Variants in RASGRF1 observed in about 807,000 individuals in gnomAD.
The protein encoded by RASGRF1 is Ras protein specific guanine nucleotide releasing factor 1, also known as ras-specific guanine nucleotide-releasing factor 1.
Under a neutral mutation model 138.7 loss-of-function variants are expected in RASGRF1, and 40 were observed. That is an observed-to-expected ratio of 0.29 (90% CI 0.22 to 0.38). RASGRF1 has a LOEUF of 0.38. Among genes scored for constraint, RASGRF1 ranks in the 10% least tolerant of loss-of-function variants. The pLI, the probability that RASGRF1 is intolerant of heterozygous loss-of-function variation, is 1.00. For synonymous variants in RASGRF1, 614 were observed against 663.2 expected (o/e 0.93, Z 1.14); for missense variants, 1,108 against 1,650.4 (o/e 0.67, Z 5.69).
At chr15:79,036,405 T>C (rs1268770939) in intron 5 of RASGRF1, among the ~76,000 whole-genome samples, 2 of 152,336 alleles carry the variant, frequency 1.3e-5, no homozygotes, top group East Asian at 3.9e-4. Flanking sequence ...CATTCTCCAC[T>C]GTGTGCTCTG....
rs1373205 is a variant in RASGRF1 at position 79,073,510 on chromosome 15, G to A, written c.277-8984C>T. On this transcript the variant is annotated intron_variant, in intron 1 of 26. Transcript: ENST00000558480. This position sits in a 1 kb window ranked among gnomAD's most constrained non-coding sequence, Gnocchi z 4.2. ...CTGGAGTCGGGGTTGTGAGAGACGAGAAGGGCAGGTGAGGAGGAGGTGTGA... is the reference window on the plus strand; with the variant it reads ...CTGGAGTCGGGGTTGTGAGAGACGAAAAGGGCAGGTGAGGAGGAGGTGTGA... Among the ~76,000 whole-genome samples, 36 of 152,298 alleles carry A rather than the reference G, an allele frequency of 2.4e-4. No homozygotes were observed. In the East Asian group the frequency reaches 6.9e-3, roughly 29 times the overall value.
At chr15:79,034,545 G>C (rs535625178) in intron 6 of RASGRF1, among the ~76,000 whole-genome samples, 46 of 152,214 alleles carry the variant, frequency 3.0e-4, no homozygotes, top group Admixed American at 1.7e-3. Context: ...TAAAAAATTG[G>C]AACAACTCTA....
At chr15:78,972,748 C>T (rs1025032487) in intron 25 of RASGRF1, among the ~76,000 whole-genome samples, 10 of 152,130 alleles carry the variant, frequency 6.6e-5, no homozygotes, top group Non-Finnish European at 1.3e-4. Flanking sequence ...GAGAAGGAGA[C>T]GGTTAGAATC....
At chr15:79,079,250 C>T (rs1232979827) in intron 1 of RASGRF1, among the ~76,000 whole-genome samples, 1 of 152,192 alleles carries the variant, frequency 6.6e-6, no homozygotes, top group Non-Finnish European at 1.5e-5. Flanking sequence ...CCTCAGCCAG[C>T]CTGCCCTCCC....
intron 5 of RASGRF1, among the ~76,000 whole-genome samples, chr15:79,035,910 G>C (rs1462527514): frequency 6.6e-6 from 1 of 152,226 alleles, no homozygotes; most frequent in Non-Finnish European, 1.5e-5. Flanking sequence ...AAAAGACCCA[G>C]AGTCCCGCTG....
chr15:79,010,254 C>A (rs1244052893), intron 13 of RASGRF1, among the ~76,000 whole-genome samples: 1 of 152,022 alleles, frequency 6.6e-6, no homozygotes, highest in Non-Finnish European at 1.5e-5. Context: ...GCCAGGCTGG[C>A]CTCGACCTCC....
chr15:78,990,046 G>T, intron 22 of RASGRF1, 143 bp downstream of exon 22: 1 of 723,748 alleles, frequency 1.4e-6, no homozygotes, highest in South Asian at 1.5e-5. Context: ...ACCAGCCCGA[G>T]GCCACATGGC....
chr15:79,033,581 C>T (rs137859963), intron 6 of RASGRF1, among the ~76,000 whole-genome samples: 25 of 93,958 alleles, frequency 2.7e-4, no homozygotes, highest in Non-Finnish European at 3.2e-4. Context: ...TTTTTCTTTT[C>T]TTTTTTTTTT....
At chr15:78,975,403 A>AG (rs1290833558) in intron 24 of RASGRF1, among the ~76,000 whole-genome samples, 5 of 128,414 alleles carry the variant, frequency 3.9e-5, no homozygotes, top group Non-Finnish European at 8.1e-5. Flanking sequence ...TTAAAAAAAA[A>AG]AAGAAAAGAG....
chr15:79,048,523 G>A (rs1347451377), intron 4 of RASGRF1, among the ~76,000 whole-genome samples: 1 of 152,228 alleles, frequency 6.6e-6, no homozygotes, highest in Non-Finnish European at 1.5e-5. Flanking sequence ...GAGGATTTTA[G>A]TGAGGATAGA....
intron 5 of RASGRF1, among the ~76,000 whole-genome samples, chr15:79,039,240 T>C (rs1438003773): frequency 7.5e-6 from 1 of 132,844 alleles, no homozygotes; most frequent in East Asian, 2.2e-4. Flanking sequence ...AGGCTGGCAG[T>C]GAGCCAAGAT....
intron 24 of RASGRF1, chr15:78,978,327 C>T (rs530790721): frequency 4.9e-4 from 89 of 181,222 alleles, no homozygotes; most frequent in Middle Eastern, 2.7e-3. Flanking sequence ...TGGGCTCAAG[C>T]GATTCTCGTG....
At chr15:79,049,373 G>T in intron 4 of RASGRF1, 123 bp downstream of exon 4, 1 of 851,906 alleles carries the variant, frequency 1.2e-6, no homozygotes. Flanking sequence ...CTTTGGAGCT[G>T]AGGTTGGGGG....
rs2055537569 is a variant in RASGRF1 at position 78,961,083 on chromosome 15, G to A, written c.*1061C>T. 1 of 152,232 alleles carries A rather than the reference G, an allele frequency of 6.6e-6. No homozygotes were observed. Among genetic ancestry groups the A allele is most frequent in the South Asian group, 2.1e-4 (1 of 4,828 alleles). 9.4% of individuals were successfully genotyped at this position (152,232 alleles called of 1,614,324 possible). A position where few individuals can be genotyped will look rare whatever the true frequency, so the allele number is the denominator to read the frequency against. ...AAAGTTGTCTGTCTGTTGTAGTGGA[G>A]CATGCCTGCCACTTCGGAGTTAACC... On this transcript the variant is annotated 3_prime_UTR_variant, in exon 27 of 27. Coordinates refer to ENST00000558480, the MANE Select transcript of RASGRF1 (RefSeq NM_001145648.3).
At position 79,006,113 on chromosome 15, in the gene RASGRF1, C is replaced by T. The variant is rs569999620; in HGVS notation, c.2075+73G>A. 8.8e-6 allele frequency: 14 copies of T among 1,595,158 alleles called. No individual in the cohort carries two copies. The highest frequency in any genetic ancestry group is 4.5e-5 in the South Asian group (4 of 88,244). On this transcript the variant is annotated intron_variant, in intron 14 of 26. Coordinates refer to ENST00000558480, the MANE Select transcript of RASGRF1 (RefSeq NM_001145648.3). This position sits in a 1 kb window ranked among gnomAD's most constrained non-coding sequence, Gnocchi z 4.0. ...GGGACCTTCCAGGTCACCCCCCGGC[C>T]CCGTGCAAGCTCAGTTTTCCTCCAA...
At chr15:79,049,899 T>C (rs1228973641) in intron 3 of RASGRF1, among the ~76,000 whole-genome samples, 1 of 152,218 alleles carries the variant, frequency 6.6e-6, no homozygotes, top group African/African-American at 2.4e-5. Flanking sequence ...ACCTCATTTG[T>C]AATCTCAGAA....
Position 79,001,725 on chromosome 15 carries a change from T to G in RASGRF1, c.2512A>C (p.Thr838Pro). 1 of 1,608,628 alleles carries G rather than the reference T, an allele frequency of 6.2e-7. No individual in the cohort carries two copies. The highest frequency in any genetic ancestry group is 8.5e-7 in the Non-Finnish European group (1 of 1,175,028). Residue 838 changes from threonine (T) to proline (P), a missense_variant, in exon 16 of 27, where the codon ACT becomes CCT. This residue lies in a region of RASGRF1 where 686 missense variants were observed against 976.7 expected (regional missense o/e 0.70). Transcript: ENST00000558480. ...GGAGATTTAGTTGGTGATGTTTCAGTATCACCATCATCACTCTGGTTTTGA... is the reference window on the plus strand; with the variant it reads ...GGAGATTTAGTTGGTGATGTTTCAGGATCACCATCATCACTCTGGTTTTGA... ...IDQNQSDDGD[T>P]ETSPTKSPTT...
rs373069639 is a variant in RASGRF1 at position 79,079,873 on chromosome 15, A to G, written c.276+10350T>C. 3.9e-5 allele frequency among the ~76,000 whole-genome samples: 6 copies of G among 152,298 alleles called. No homozygotes were observed. In the East Asian group the frequency reaches 9.7e-4, roughly 25 times the overall value. ...CATTCCCCAGGCTTCTCCAAGCTGC[A>G]CCCTGTGTTATCTGGACACCAGGAC... On this transcript the variant is annotated intron_variant, in intron 1 of 26. Transcript: ENST00000558480.
At chr15:79,001,577 A>T in intron 16 of RASGRF1, 85 bp downstream of exon 16, 2 of 1,474,756 alleles carry the variant, frequency 1.4e-6, no homozygotes, top group Non-Finnish European at 1.9e-6. Context: ...ATAAGGGATG[A>T]CACCCACTTG....
Sources: allele counts gnomAD v4.1 joint callset (sites outside exome capture counted in the v4.1 genomes callset), GRCh38; gene constraint gnomAD v4.1.1; regional missense constraint gnomAD v4.1.1; non-coding constraint Gnocchi (gnomAD v3.1); transcripts MANE v1.5; gene names NCBI Gene and HGNC (gene_info 2026-07-23, HGNC 2026-07-21).